PIK3CB: variants seen among roughly 807,000 people sequenced by gnomAD.
PIK3CB encodes the protein phosphatidylinositol-4,5-bisphosphate 3-kinase catalytic subunit beta, also known as phosphatidylinositol 4,5-bisphosphate 3-kinase catalytic subunit beta isoform.
A neutral mutation model predicts 136.8 loss-of-function variants in PIK3CB; 39 were observed. The ratio of observed to expected loss-of-function variants is 0.29; its 90% CI spans 0.22 to 0.37. The LOEUF is 0.37. Among genes scored for constraint, PIK3CB ranks in the 10% least tolerant of loss-of-function variants. PIK3CB has a pLI of 1.00. For synonymous variants in PIK3CB, 428 were observed against 436.6 expected (o/e 0.98, Z 0.25); for missense variants, 868 against 1,275.4 (o/e 0.68, Z 4.87).
chr3:138,725,122 T>C (rs2044809451), intron 8 of PIK3CB, among the ~76,000 whole-genome samples: 1 of 152,094 alleles, frequency 6.6e-6, no homozygotes, highest in South Asian at 2.1e-4. Flanking sequence ...ATGCAATATA[T>C]GCCCAGACTT....
intron 10 of PIK3CB, among the ~76,000 whole-genome samples, chr3:138,709,278 A>G (rs2044445094): frequency 6.6e-6 from 1 of 151,734 alleles, no homozygotes; most frequent in African/African-American, 2.4e-5. Flanking sequence ...TTGAACTATC[A>G]GAACACAATT....
chr3:138,801,722 G>C (rs2046177982), intron 1 of PIK3CB, among the ~76,000 whole-genome samples: 1 of 151,856 alleles, frequency 6.6e-6, no homozygotes, highest in Non-Finnish European at 1.5e-5. Flanking sequence ...AATTAGCTGG[G>C]CATGGTGGCG....
chr3:138,816,871 G>A (rs1436680260), intron 1 of PIK3CB, among the ~76,000 whole-genome samples: 1 of 152,028 alleles, frequency 6.6e-6, no homozygotes, highest in African/African-American at 2.4e-5. Context: ...AACCTTAGAG[G>A]TCCTATGTAT....
intron 18 of PIK3CB, among the ~76,000 whole-genome samples, chr3:138,682,575 GT>G (rs1400775420): frequency 6.6e-6 from 1 of 152,082 alleles, no homozygotes; most frequent in Non-Finnish European, 1.5e-5. Context: ...TATACGGAGA[GT>G]TCTTAAGAAT....
At chr3:138,738,466 C>T (rs1022021102) in intron 5 of PIK3CB, among the ~76,000 whole-genome samples, 1 of 152,108 alleles carries the variant, frequency 6.6e-6, no homozygotes, top group African/African-American at 2.4e-5. Context: ...CCACCATGCC[C>T]GGCCACATAC....
At chr3:138,686,091 C>A (rs555314759) in intron 16 of PIK3CB, among the ~76,000 whole-genome samples, 11 of 152,014 alleles carry the variant, frequency 7.2e-5, no homozygotes, top group Non-Finnish European at 1.3e-4. Context: ...GAGCCAAGAT[C>A]GTACCACTAC....
chr3:138,727,036 C>G (rs537952931), intron 8 of PIK3CB, among the ~76,000 whole-genome samples: 43 of 151,976 alleles, frequency 2.8e-4, no homozygotes, highest in African/African-American at 9.4e-4. Flanking sequence ...GGTGACGGAG[C>G]AAGACTGTCT....
chr3:138,721,847 A>G (rs978715388), intron 8 of PIK3CB, among the ~76,000 whole-genome samples: 2 of 152,190 alleles, frequency 1.3e-5, no homozygotes, highest in African/African-American at 4.8e-5. Flanking sequence ...TGATGTTGTC[A>G]GAGGTGTTGG....
intron 3 of PIK3CB, among the ~76,000 whole-genome samples, chr3:138,756,885 A>G (rs974474053): frequency 1.3e-5 from 2 of 152,212 alleles, no homozygotes; most frequent in African/African-American, 4.8e-5. Flanking sequence ...TATCAAGAGA[A>G]TGAAAAGGCA....
intron 1 of PIK3CB, among the ~76,000 whole-genome samples, chr3:138,819,998 C>A (rs1450331445): frequency 1.3e-5 from 2 of 152,124 alleles, no homozygotes; most frequent in African/African-American, 4.8e-5. Context: ...TCAATAAAGC[C>A]TTCTCAAGTG....
intron 14 of PIK3CB, among the ~76,000 whole-genome samples, chr3:138,693,501 T>G (rs2044054353): frequency 6.6e-6 from 1 of 151,986 alleles, no homozygotes. Context: ...TGGGTTCAAG[T>G]GATTCTTCTG....
chr3:138,700,100 C>T (rs2044218836), intron 12 of PIK3CB, among the ~76,000 whole-genome samples: 1 of 151,994 alleles, frequency 6.6e-6, no homozygotes, highest in South Asian at 2.1e-4. Context: ...CATGTGCTTG[C>T]AGTTCTAGCT....
chr3:138,785,129 C>T (rs551571250), intron 2 of PIK3CB, among the ~76,000 whole-genome samples: 20 of 150,938 alleles, frequency 1.3e-4, no homozygotes, highest in South Asian at 1.0e-3. Flanking sequence ...CCAGCCGCCC[C>T]GTCCGGGAGG....
intron 12 of PIK3CB, among the ~76,000 whole-genome samples, chr3:138,701,784 C>CAAAAAAAAAAAAAAAAAAAAA (rs560982900): frequency 1.8e-5 from 1 of 54,926 alleles, no homozygotes; most frequent in Non-Finnish European, 4.0e-5. Context: ...GACTCTGTCT[C>CAAAAAAAAAAAAAAAAAAAAA]AAAAAAAAAA....
chr3:138,750,890 G>C (rs1576387098), intron 4 of PIK3CB, among the ~76,000 whole-genome samples: 1 of 152,168 alleles, frequency 6.6e-6, no homozygotes, highest in Non-Finnish European at 1.5e-5. Flanking sequence ...CTTCCCACTG[G>C]ATTGTGAGGT....
intron 12 of PIK3CB, among the ~76,000 whole-genome samples, chr3:138,701,225 A>C (rs984810858): frequency 1.1e-4 from 17 of 152,016 alleles, no homozygotes; most frequent in Middle Eastern, 3.4e-3. Flanking sequence ...AAAAAAAAAA[A>C]ACAAAAAACA....
chr3:138,739,784 C>A (rs1368193649), intron 5 of PIK3CB, among the ~76,000 whole-genome samples: 3 of 150,856 alleles, frequency 2.0e-5, no homozygotes, highest in Non-Finnish European at 4.4e-5. Flanking sequence ...TGCCTGTAGT[C>A]CCAGCTACTC....
At chr3:138,717,769 T>C (rs987303010) in intron 8 of PIK3CB, among the ~76,000 whole-genome samples, 3 of 152,222 alleles carry the variant, frequency 2.0e-5, no homozygotes, top group Non-Finnish European at 4.4e-5. Flanking sequence ...AGCTTCCTTA[T>C]AAGTGAGAAC....
chr3:138,834,408 C>G (rs1459772049), intron 1 of PIK3CB, among the ~76,000 whole-genome samples: 1 of 152,190 alleles, frequency 6.6e-6, no homozygotes, highest in East Asian at 1.9e-4. Context: ...CCCAAAGCGA[C>G]AGTGACCCGG....
Sources: gnomAD v4.1 joint callset for allele counts (sites outside exome capture counted in the v4.1 genomes callset) on GRCh38, gnomAD v4.1.1 for gene constraint, MANE v1.5 for transcripts, NCBI Gene and HGNC (gene_info 2026-07-23, HGNC 2026-07-21) for gene names.